VWA3B: variants seen among roughly 807,000 people sequenced by gnomAD.
VWA3B encodes von Willebrand factor A domain-containing protein 3B.
In VWA3B, 138 loss-of-function variants were observed where a neutral mutation model predicts 158.3. The ratio of observed to expected loss-of-function variants is 0.87; its 90% confidence interval spans 0.76 to 1.00. The LOEUF (loss-of-function observed/expected upper bound fraction) is 1.00, where lower values mean the gene tolerates loss of function less well. VWA3B is among the 50% of genes least tolerant of loss of function. The pLI, the probability that VWA3B is intolerant of heterozygous loss-of-function variation, is 0.00. For missense variants in VWA3B, 1,555 were observed against 1,565.1 expected (o/e 0.99, Z 0.11); for synonymous variants, 596 against 587.3 (o/e 1.01, Z -0.21).
At chr2:98,313,472 A>G (rs1691020421), downstream of VWA3B, among the ~76,000 whole-genome samples, 1 of 152,152 alleles carries the variant, frequency 6.6e-6, no homozygotes, top group South Asian at 2.1e-4. Context: ...TCCGCTAATG[A>G]GAGTTGTGTC....
At chr2:98,124,010 A>T (rs1675170046) in intron 5 of VWA3B, among the ~76,000 whole-genome samples, 1 of 152,152 alleles carries the variant, frequency 6.6e-6, no homozygotes, top group African/African-American at 2.4e-5. Context: ...GGTTTCTTTT[A>T]ATCATATTTC....
At chr2:98,104,768 T>A (rs1390063741) in intron 2 of VWA3B, among the ~76,000 whole-genome samples, 1 of 152,212 alleles carries the variant, frequency 6.6e-6, no homozygotes, top group East Asian at 1.9e-4. Flanking sequence ...AAATGAATAT[T>A]TTTTAGTGTT....
At chr2:98,117,748 CTTTTTTTTTT>C (rs35080840) in intron 3 of VWA3B, among the ~76,000 whole-genome samples, 82 of 119,470 alleles carry the variant, frequency 6.9e-4, no homozygotes, top group Admixed American at 2.2e-3. Flanking sequence ...CTTAAATTAC[CTTTTTTTTTT>C]TTTTTTTTTT....
intron 1 of VWA3B, among the ~76,000 whole-genome samples, chr2:98,092,118 C>A (rs1369960597): frequency 6.6e-6 from 1 of 152,248 alleles, no homozygotes; most frequent in Non-Finnish European, 1.5e-5. Context: ...AAAGTGGATA[C>A]ATGTATTCCA....
At chr2:98,143,689 C>T (rs2105118184) in intron 7 of VWA3B, among the ~76,000 whole-genome samples, 1 of 151,458 alleles carries the variant, frequency 6.6e-6, no homozygotes, top group African/African-American at 2.4e-5. Context: ...CACTTATTAG[C>T]TGTGTGATTT....
At chr2:98,203,348 C>T (rs1190546404) in intron 12 of VWA3B, among the ~76,000 whole-genome samples, 1 of 152,164 alleles carries the variant, frequency 6.6e-6, no homozygotes, top group Non-Finnish European at 1.5e-5. Flanking sequence ...GTATAGTGAG[C>T]TTTAAGATCA....
chr2:98,311,430 A>T (rs1490057555), intron 26 of VWA3B, among the ~76,000 whole-genome samples: 1 of 152,240 alleles, frequency 6.6e-6, no homozygotes, highest in Non-Finnish European at 1.5e-5. Context: ...GTGAAAGAAT[A>T]TCTCTGATGT....
At chr2:98,206,877 T>C (rs1271898568) in intron 12 of VWA3B, 5 of 403,190 alleles carry the variant, frequency 1.2e-5, no homozygotes, top group Non-Finnish European at 2.4e-5. Context: ...GTAAGGGCAA[T>C]GACTTATATT....
In VWA3B at chr2:98,246,024, T is replaced by G. The variant is rs575675894; in HGVS notation, c.2674-4294T>G. ...AGTAGCAAGATTGGACTGTTCAGTTTCTTAACTTTCTTTCTCTTCAGTTTT... is the reference window on the plus strand; with the variant it reads ...AGTAGCAAGATTGGACTGTTCAGTTGCTTAACTTTCTTTCTCTTCAGTTTT... On this transcript the variant is annotated intron_variant, in intron 19 of 27. Coordinates refer to ENST00000477737, the MANE Select transcript of VWA3B (RefSeq NM_144992.5). Among the ~76,000 whole-genome samples, 5 of 152,296 alleles carry G rather than the reference T, an allele frequency of 3.3e-5. No homozygotes were observed. The South Asian group carries it at 6.2e-4, about 19-fold the overall frequency.
At chr2:98,137,645 T>C (rs1245897771) in intron 7 of VWA3B, among the ~76,000 whole-genome samples, 2 of 152,168 alleles carry the variant, frequency 1.3e-5, no homozygotes, top group African/African-American at 4.8e-5. Flanking sequence ...TTTAAAGATA[T>C]TGAACAATTA....
intron 6 of VWA3B, 152 bp from the exon 7 acceptor site, chr2:98,133,672 A>G (rs971911625): frequency 3.1e-6 from 2 of 647,820 alleles, no homozygotes; most frequent in Non-Finnish European, 2.7e-6. Flanking sequence ...TTGCTTGTGG[A>G]ATTGACAAGG....
chr2:98,298,135 G>C, intron 24 of VWA3B, 104 bp downstream of exon 24: 3 of 1,304,362 alleles, frequency 2.3e-6, no homozygotes, highest in Non-Finnish European at 3.0e-6. Flanking sequence ...AACCTACACG[G>C]GCTCCTGCAG....
intron 22 of VWA3B, among the ~76,000 whole-genome samples, chr2:98,281,229 TC>T (rs1688861196): frequency 6.6e-6 from 1 of 152,198 alleles, no homozygotes; most frequent in South Asian, 2.1e-4. Flanking sequence ...CCCAAACGCT[TC>T]AGGTTAGCCC....
At chr2:98,163,033 A>T in intron 8 of VWA3B, 57 bp downstream of exon 8, 1 of 1,599,712 alleles carries the variant, frequency 6.3e-7, no homozygotes, top group Non-Finnish European at 8.5e-7. Flanking sequence ...CTAGCTGGGG[A>T]CCAGGGGCTG....
At chr2:98,273,532 C>G (rs567688070) in intron 22 of VWA3B, among the ~76,000 whole-genome samples, 1 of 152,318 alleles carries the variant, frequency 6.6e-6, no homozygotes, top group Admixed American at 6.5e-5. Flanking sequence ...CCTGTGGGCA[C>G]CTAAGACTCA....
rs7599947 is a variant in VWA3B, at chr2:98,089,864, G to A, written c.-33+2501G>A. On this transcript the variant is annotated intron_variant, in intron 1 of 27. Transcript: ENST00000477737. ...TTAAAAGTCATATGAGTGCAAAAGG[G>A]ACTGGGGCGTGCACCTTAGCTATAC... Among the ~76,000 whole-genome samples, 798 of 152,144 alleles carry A rather than the reference G, an allele frequency of 5.2e-3. 12 individuals are homozygous for A. The highest frequency in any genetic ancestry group is 0.019 in the African/African-American group (773 of 41,488).
intron 19 of VWA3B, among the ~76,000 whole-genome samples, chr2:98,242,044 A>G (rs1223108132): frequency 1.3e-5 from 2 of 152,182 alleles, no homozygotes; most frequent in Non-Finnish European, 2.9e-5. Context: ...AAAAGCAGAC[A>G]AAAAGTAGAA....
chr2:98,228,079 A>G, intron 14 of VWA3B, 123 bp from the exon 15 acceptor site: 13 of 1,091,222 alleles, frequency 1.2e-5, no homozygotes, highest in Non-Finnish European at 1.6e-5. Context: ...ACTTGAGCCC[A>G]GGAGCTCAAG....
chr2:98,262,022 A>C (rs889297978), intron 21 of VWA3B, among the ~76,000 whole-genome samples: 2 of 151,558 alleles, frequency 1.3e-5, no homozygotes, highest in African/African-American at 2.4e-5. Context: ...AGTGGTTTTG[A>C]TTTGCATTTC....
Sources: gnomAD v4.1 joint callset for allele counts (sites outside exome capture counted in the v4.1 genomes callset) on GRCh38, gnomAD v4.1.1 for gene constraint, MANE v1.5 for transcripts, NCBI Gene and HGNC (gene_info 2026-07-23, HGNC 2026-07-21) for gene names.